The following NPAS3 variants were observed in gnomAD, a reference collection of about 807,000 sequenced individuals.
NPAS3 encodes the protein neuronal PAS domain-containing protein 3.
NPAS3 carries 14 observed loss-of-function variants against 73.1 expected under a neutral mutation model. That is an observed-to-expected ratio of 0.19 (90% CI 0.13 to 0.30). NPAS3 has a LOEUF of 0.30. NPAS3 is among the 10% of genes least tolerant of loss of function. The pLI is 1.00. For synonymous variants in NPAS3, 620 were observed against 541.5 expected (o/e 1.14, Z -2.01); for missense variants, 1,096 against 1,250.0 (o/e 0.88, Z 1.86).
At chr14:32,935,968 A>C (rs1012016615), upstream of NPAS3, among the ~76,000 whole-genome samples, 1 of 152,256 alleles carries the variant, frequency 6.6e-6, no homozygotes. Context: ...TGTGAAATTA[A>C]ATATTTGTGT....
At chr14:33,692,700 G>A (rs1398912861) in intron 6 of NPAS3, among the ~76,000 whole-genome samples, 5 of 152,012 alleles carry the variant, frequency 3.3e-5, no homozygotes, top group Non-Finnish European at 2.9e-5. Flanking sequence ...AGAGCCTCTA[G>A]GAGACTAAGC....
chr14:33,286,991 A>G (rs1377179376), intron 3 of NPAS3, among the ~76,000 whole-genome samples: 3 of 152,184 alleles, frequency 2.0e-5, no homozygotes, highest in Non-Finnish European at 2.9e-5. Context: ...CAAAAGATAC[A>G]TGGTTAGCAA....
At chr14:33,201,300 G>GGT (rs34700439) in intron 2 of NPAS3, among the ~76,000 whole-genome samples, 4,588 of 151,024 alleles carry the variant, frequency 0.03, 124 homozygotes, top group Non-Finnish European at 0.038. Flanking sequence ...CCCTAACAAT[G>GGT]GTGTGTGTGT....
intron 3 of NPAS3, among the ~76,000 whole-genome samples, chr14:33,252,191 C>T (rs533420884): frequency 6.6e-6 from 1 of 151,680 alleles, no homozygotes; most frequent in Non-Finnish European, 1.5e-5. Context: ...TTGCTCATCC[C>T]TGTGAGGTAT....
At chr14:33,253,316 G>A (rs2048658751) in intron 3 of NPAS3, among the ~76,000 whole-genome samples, 1 of 152,002 alleles carries the variant, frequency 6.6e-6, no homozygotes, top group Admixed American at 6.6e-5. Context: ...GGAAAGTGAG[G>A]CACAGAGTGA....
intron 1 of NPAS3, among the ~76,000 whole-genome samples, chr14:33,026,153 A>T (rs2138304557): frequency 6.6e-6 from 1 of 152,302 alleles, no homozygotes; most frequent in East Asian, 1.9e-4. Context: ...ATCATTATTT[A>T]CATAAGATGA....
intron 3 of NPAS3, among the ~76,000 whole-genome samples, chr14:33,358,221 T>A (rs531248354): frequency 1.3e-5 from 2 of 152,246 alleles, no homozygotes; most frequent in African/African-American, 4.8e-5. Context: ...AGGGTTTTCA[T>A]CTAAGCAGTG....
chr14:33,315,900 G>C (rs1375008923), intron 3 of NPAS3, among the ~76,000 whole-genome samples: 1 of 152,090 alleles, frequency 6.6e-6, no homozygotes, highest in Non-Finnish European at 1.5e-5. Flanking sequence ...TCCCAACTAT[G>C]ACACAAGAGC....
intron 2 of NPAS3, among the ~76,000 whole-genome samples, chr14:33,195,339 T>C (rs1251174575): frequency 2.0e-5 from 3 of 152,122 alleles, no homozygotes; most frequent in African/African-American, 7.2e-5. Context: ...GGCGCAGTCT[T>C]GTCTCACTGC....
intron 5 of NPAS3, among the ~76,000 whole-genome samples, chr14:33,654,825 G>C (rs951722003): frequency 2.6e-5 from 4 of 152,146 alleles, no homozygotes; most frequent in African/African-American, 4.8e-5. Flanking sequence ...GTGGATGCCA[G>C]GTGTATCTAT....
chr14:33,371,786 T>G (rs1301302823), intron 4 of NPAS3, among the ~76,000 whole-genome samples: 1 of 152,196 alleles, frequency 6.6e-6, no homozygotes, highest in Non-Finnish European at 1.5e-5. Flanking sequence ...TTAAATATGA[T>G]GAATTTTTAC....
intron 3 of NPAS3, among the ~76,000 whole-genome samples, chr14:33,250,229 C>T (rs1363390520): frequency 2.6e-5 from 4 of 151,954 alleles, no homozygotes; most frequent in Non-Finnish European, 5.9e-5. Flanking sequence ...ACTTAATTGA[C>T]AATTTCTTGA....
intron 6 of NPAS3, among the ~76,000 whole-genome samples, chr14:33,726,572 C>T (rs1053601631): frequency 1.3e-5 from 2 of 152,128 alleles, no homozygotes; most frequent in Admixed American, 6.5e-5. Context: ...GACCACCCAA[C>T]CAAAATGTGG....
chr14:33,012,615 C>T (rs1292048829), intron 1 of NPAS3, among the ~76,000 whole-genome samples: 2 of 151,420 alleles, frequency 1.3e-5, no homozygotes, highest in Non-Finnish European at 2.9e-5. Context: ...GTGGCGCGAT[C>T]TCGGCTCACT....
intron 3 of NPAS3, among the ~76,000 whole-genome samples, chr14:33,282,750 G>A (rs577081609): frequency 6.6e-6 from 1 of 152,208 alleles, no homozygotes; most frequent in East Asian, 1.9e-4. Flanking sequence ...TAGGCTGGTG[G>A]GACTGCAGCT....
chr14:33,405,193 C>G (rs980635539), intron 4 of NPAS3, among the ~76,000 whole-genome samples: 2 of 151,958 alleles, frequency 1.3e-5, no homozygotes, highest in Non-Finnish European at 2.9e-5. Context: ...TCTGGATGGT[C>G]TGGACTTGTG....
chr14:33,702,839 C>G (rs545318915), intron 6 of NPAS3, among the ~76,000 whole-genome samples: 5 of 152,124 alleles, frequency 3.3e-5, no homozygotes, highest in South Asian at 2.1e-4. Flanking sequence ...ATTGAGGGAG[C>G]TGGGGGTGCG....
intron 3 of NPAS3, among the ~76,000 whole-genome samples, chr14:33,273,526 AT>A (rs971160280): frequency 6.6e-6 from 1 of 152,122 alleles, no homozygotes; most frequent in African/African-American, 2.4e-5. Flanking sequence ...GAATTATGTG[AT>A]TTTTTTAAAG....
At chr14:33,598,421 T>C (rs531218723) in intron 5 of NPAS3, among the ~76,000 whole-genome samples, 2 of 152,372 alleles carry the variant, frequency 1.3e-5, no homozygotes, top group East Asian at 3.9e-4. Context: ...TGAATAGTTT[T>C]AATAAGTCAT....
Sources: gnomAD v4.1 joint callset for allele counts (sites outside exome capture counted in the v4.1 genomes callset) on GRCh38, gnomAD v4.1.1 for gene constraint, MANE v1.5 for transcripts, NCBI Gene and HGNC (gene_info 2026-07-23, HGNC 2026-07-21) for gene names.